Variants in PKHD1 observed in about 807,000 individuals in gnomAD.
PKHD1 encodes the protein PKHD1 ciliary IPT domain containing fibrocystin/polyductin, also known as fibrocystin.
Under a neutral mutation model 412.0 loss-of-function variants are expected in PKHD1, and 291 were observed. That is an observed-to-expected ratio of 0.71 (90% CI 0.64 to 0.78). The LOEUF is 0.78. Ranked by LOEUF, PKHD1 falls within the 30% of genes least tolerant of loss-of-function variation. PKHD1 has a pLI of 0.00. For synonymous variants in PKHD1, 1,777 were observed against 1,821.5 expected (o/e 0.98, Z 0.62); for missense variants, 4,825 against 4,950.7 (o/e 0.97, Z 0.76).
chr6:51,879,223 C>G (rs1185487810), intron 46 of PKHD1, among the ~76,000 whole-genome samples: 2 of 42,516 alleles, frequency 4.7e-5, no homozygotes, highest in African/African-American at 2.3e-4. Flanking sequence ...CCATCCCCTT[C>G]AAGCTACCAA....
intron 29 of PKHD1, among the ~76,000 whole-genome samples, chr6:52,031,254 A>C (rs1802994648): frequency 6.6e-6 from 1 of 152,218 alleles, no homozygotes; most frequent in Non-Finnish European, 1.5e-5. Flanking sequence ...AGTTTGGCCT[A>C]AGGCTGTCTC....
chr6:51,732,142 C>T (rs1783307226), intron 60 of PKHD1, among the ~76,000 whole-genome samples: 1 of 152,176 alleles, frequency 6.6e-6, no homozygotes, highest in Non-Finnish European at 1.5e-5. Flanking sequence ...CTTTTTACTG[C>T]TTTTAGCCTG....
At chr6:51,755,683 A>G (rs1786868698) in intron 55 of PKHD1, among the ~76,000 whole-genome samples, 1 of 152,188 alleles carries the variant, frequency 6.6e-6, no homozygotes, top group African/African-American at 2.4e-5. Context: ...CTTCAACACC[A>G]TAAATTTAAT....
chr6:51,775,696 G>T lies in PKHD1; in HGVS notation c.8554+112C>A, dbSNP rs1336379561. The stretch of plus-strand genomic sequence containing the variant: ...AATAATAAATATAAATTGCCTAAAA[G>T]GGTGTTTGGAATTTAGCATATGTTC... On this transcript the variant is annotated intron_variant, in intron 54 of 66. Coordinates refer to ENST00000371117, the MANE Select transcript of PKHD1 (RefSeq NM_138694.4). 6.0e-5 allele frequency: 40 copies of T among 663,544 alleles called. 1 individual carries two copies. The East Asian group carries it at 1.0e-3, about 17-fold the overall frequency. 41.1% of individuals were successfully genotyped at this position (663,544 alleles called of 1,614,324 possible). A position where few individuals can be genotyped will look rare whatever the true frequency, so the allele number is the denominator to read the frequency against.
intron 36 of PKHD1, among the ~76,000 whole-genome samples, chr6:51,944,673 A>G (rs1350096140): frequency 1.3e-5 from 2 of 152,170 alleles, no homozygotes; most frequent in East Asian, 3.9e-4. Context: ...CTGAGCCTCC[A>G]GGGAGATTGA....
intron 43 of PKHD1, among the ~76,000 whole-genome samples, chr6:51,887,900 C>T (rs1341165517): frequency 6.6e-6 from 1 of 152,146 alleles, no homozygotes; most frequent in Non-Finnish European, 1.5e-5. Flanking sequence ...TGCAATTTGC[C>T]CATCTTAATA....
At chr6:51,884,848 G>T (rs1444886360) in intron 45 of PKHD1, among the ~76,000 whole-genome samples, 1 of 87,408 alleles carries the variant, frequency 1.1e-5, no homozygotes. Flanking sequence ...GTTTCCACTA[G>T]ATTTGTTACC....
chr6:51,963,356 T>G (rs1409323288), intron 35 of PKHD1, among the ~76,000 whole-genome samples: 1 of 152,162 alleles, frequency 6.6e-6, no homozygotes, highest in Non-Finnish European at 1.5e-5. Context: ...TCAAGAGACC[T>G]AAGTTTCCTT....
chr6:51,848,520 G>C (rs1185706693), intron 49 of PKHD1, among the ~76,000 whole-genome samples: 1 of 152,156 alleles, frequency 6.6e-6, no homozygotes, highest in Non-Finnish European at 1.5e-5. Context: ...CAGAGGTTCA[G>C]TAGCTTGCCC....
At chr6:51,811,366 G>C (rs1034478925) in intron 52 of PKHD1, among the ~76,000 whole-genome samples, 1 of 152,100 alleles carries the variant, frequency 6.6e-6, no homozygotes, top group South Asian at 2.1e-4. Context: ...TCATCAGTAA[G>C]ATGGTAATTC....
intron 60 of PKHD1, among the ~76,000 whole-genome samples, chr6:51,674,960 G>T (rs1212814710): frequency 6.6e-6 from 1 of 152,016 alleles, no homozygotes; most frequent in Non-Finnish European, 1.5e-5. Flanking sequence ...TTGAAATCCT[G>T]GTCTTCATAA....
At chr6:52,077,191 T>C (rs1811441755) in intron 5 of PKHD1, among the ~76,000 whole-genome samples, 1 of 152,178 alleles carries the variant, frequency 6.6e-6, no homozygotes, top group Admixed American at 6.5e-5. Flanking sequence ...ATGACTGATA[T>C]ACTGCCTGGA....
intron 53 of PKHD1, among the ~76,000 whole-genome samples, chr6:51,786,259 C>T (rs1390918638): frequency 1.3e-5 from 2 of 152,096 alleles, no homozygotes; most frequent in Non-Finnish European, 2.9e-5. Flanking sequence ...AAAATTCTCA[C>T]TAGGTTCTAG....
chr6:51,872,150 T>C (rs1337772064), intron 46 of PKHD1, among the ~76,000 whole-genome samples: 1 of 151,980 alleles, frequency 6.6e-6, no homozygotes, highest in Non-Finnish European at 1.5e-5. Context: ...TAAATAATCA[T>C]AGCTTTAAGG....
At chr6:52,076,169 A>G (rs1482894513) in intron 6 of PKHD1, 107 bp downstream of exon 6, 2 of 776,252 alleles carry the variant, frequency 2.6e-6, no homozygotes, top group Non-Finnish European at 4.6e-6. Flanking sequence ...AACAGCATCA[A>G]AGAAGAAGTT....
intron 21 of PKHD1, among the ~76,000 whole-genome samples, chr6:52,051,425 A>C (rs575006712): frequency 1.4e-4 from 21 of 152,352 alleles, no homozygotes; most frequent in Admixed American, 7.2e-4. Flanking sequence ...TATTGAGCCC[A>C]ATTGTGTAGT....
intron 55 of PKHD1, among the ~76,000 whole-genome samples, chr6:51,766,224 T>C (rs1788975018): frequency 1.3e-5 from 2 of 152,154 alleles, no homozygotes; most frequent in African/African-American, 4.8e-5. Flanking sequence ...AAAGAAATTC[T>C]GTACATAGAG....
At chr6:51,946,621 A>C (rs1341738262) in intron 36 of PKHD1, among the ~76,000 whole-genome samples, 3 of 152,226 alleles carry the variant, frequency 2.0e-5, no homozygotes, top group Admixed American at 6.5e-5. Context: ...GCAGGGCTGA[A>C]ATCAGCCTTT....
intron 35 of PKHD1, among the ~76,000 whole-genome samples, chr6:51,968,726 G>T (rs1233506159): frequency 6.6e-6 from 1 of 152,140 alleles, no homozygotes; most frequent in African/African-American, 2.4e-5. Context: ...TCCAGGCCAG[G>T]TCCATTCCTT....
Sources: allele counts gnomAD v4.1 joint callset (sites outside exome capture counted in the v4.1 genomes callset), GRCh38; gene constraint gnomAD v4.1.1; transcripts MANE v1.5; gene names NCBI Gene and HGNC (gene_info 2026-07-23, HGNC 2026-07-21).